NUP205: variants seen among roughly 807,000 people sequenced by gnomAD.
NUP205 encodes nuclear pore complex protein Nup205.
A neutral mutation model predicts 253.8 loss-of-function variants in NUP205; 76 were observed. The observed-to-expected ratio is 0.30, with a 90% CI of 0.25 to 0.36. The LOEUF is 0.36. Ranked by LOEUF, NUP205 falls within the 10% of genes least tolerant of loss-of-function variation. The probability of loss-of-function intolerance (pLI) is 1.00; values close to 1 mark genes in which losing one functional copy is unlikely to be tolerated. For synonymous variants in NUP205, 832 were observed against 850.1 expected (o/e 0.98, Z 0.37); for missense variants, 2,162 against 2,425.5 (o/e 0.89, Z 2.28).
chr7:135,635,890 CCTTTT>C (rs1794800818), intron 36 of NUP205, among the ~76,000 whole-genome samples: 1 of 152,076 alleles, frequency 6.6e-6, no homozygotes, highest in Admixed American at 6.6e-5. Flanking sequence ...TGTTTTTACT[CCTTTT>C]CTTCCATCAT....
rs559396683 is a variant in NUP205, at chr7:135,602,969, G to A, written c.2677G>A (p.Ala893Thr). 6.2e-6 allele frequency: 10 copies of A among 1,612,436 alleles called. No homozygotes were observed. Among genetic ancestry groups the A allele is most frequent in the South Asian group, 2.2e-5 (2 of 90,790 alleles). ...GGGAATTAATCCCAGAACTAAGAAG[G>A]CAGATAATGTGGTAAACATTGCCAG... ...LQGINPRTKK[A>T]DNVVNIARYL... Residue 893 changes from alanine (A) to threonine (T), a missense_variant, in exon 18 of 43, where the codon GCA (alanine) becomes ACA (threonine). By Grantham distance (58) the Ala-to-Thr change is moderately conservative. Around this residue, in one of 5 missense-constraint regions of NUP205, gnomAD observed 892 missense variants for 957.1 expected, o/e 0.93. Transcript: ENST00000285968.
chr7:135,641,675 G>A (rs1413004580), intron 38 of NUP205, among the ~76,000 whole-genome samples: 1 of 119,302 alleles, frequency 8.4e-6, no homozygotes, highest in Admixed American at 7.6e-5. Context: ...GGGAGGCTGA[G>A]GTGGGAGGAT....
chr7:135,641,557 C>T (rs1159579634), intron 38 of NUP205, among the ~76,000 whole-genome samples: 2 of 151,254 alleles, frequency 1.3e-5, no homozygotes, highest in Non-Finnish European at 3.0e-5. Flanking sequence ...TTGCTTGAGC[C>T]CAGAAGGTAG....
At chr7:135,626,104 T>C in intron 32 of NUP205, 136 bp from the exon 33 acceptor site, 1 of 1,025,808 alleles carries the variant, frequency 9.7e-7, no homozygotes. Flanking sequence ...AGCGGTATAA[T>C]GTAACCTGTC....
At chr7:135,578,640 T>C (rs1374771298) in intron 6 of NUP205, 111 bp from the exon 7 acceptor site, 2 of 712,198 alleles carry the variant, frequency 2.8e-6, no homozygotes, top group Non-Finnish European at 4.6e-6. Context: ...AATTGGTCAT[T>C]ATTCTTCTGT....
intron 34 of NUP205, among the ~76,000 whole-genome samples, chr7:135,629,339 C>T (rs947158612): frequency 3.3e-5 from 5 of 151,968 alleles, no homozygotes; most frequent in South Asian, 4.1e-4. Context: ...TTTTTTTAAC[C>T]GCATCAAAAG....
chr7:135,563,531 C>G (rs555270224), intron 1 of NUP205, among the ~76,000 whole-genome samples: 2 of 152,116 alleles, frequency 1.3e-5, no homozygotes, highest in Non-Finnish European at 2.9e-5. Context: ...TTTTTCCTCA[C>G]TGCAGTATAA....
chr7:135,593,071 G>C lies in NUP205; in HGVS notation c.1709G>C (p.Arg570Pro). The change falls in exon 12 of 43, where the codon CGG becomes CCG. Residue 570 changes from arginine to proline, a missense_variant. This residue lies in a region of NUP205 where 892 missense variants were observed against 957.1 expected (regional missense o/e 0.93). Coordinates refer to ENST00000285968, the MANE Select transcript of NUP205 (RefSeq NM_015135.3). ...HSLMLYHEHL[R>P]KDLPSADSVQ... ...TTGATGCTTTACCACGAACACCTTC[G>C]GAAGGATCTTCCAAGTGCAGATAGT... is the stretch of plus-strand genomic sequence containing the variant. 1 of 1,613,928 alleles carries C rather than the reference G, an allele frequency of 6.2e-7. No individual in the cohort carries two copies. Among genetic ancestry groups the C allele is most frequent in the Non-Finnish European group, 8.5e-7 (1 of 1,179,968 alleles).
intron 17 of NUP205, 89 bp downstream of exon 17, chr7:135,601,596 A>C (rs1793966313): frequency 1.4e-6 from 2 of 1,394,190 alleles, no homozygotes; most frequent in African/African-American, 1.4e-5. Flanking sequence ...TGATCTCTGA[A>C]GTCATTTTTC....
At chr7:135,635,502 A>T in intron 35 of NUP205, 79 bp from the exon 36 acceptor site, 3 of 830,992 alleles carry the variant, frequency 3.6e-6, no homozygotes, top group Non-Finnish European at 3.8e-6. Context: ...ACAATATAAA[A>T]TATTAGAACC....
At chr7:135,645,083 T>A in intron 40 of NUP205, 65 bp downstream of exon 40, 1 of 1,572,460 alleles carries the variant, frequency 6.4e-7, no homozygotes, top group Non-Finnish European at 8.7e-7. Context: ...TCACTTATTC[T>A]CATATTATTT....
At position 135,571,134 on chromosome 7, in the gene NUP205, A is replaced by G; in HGVS notation, c.58A>G (p.Ile20Val). ...TAGTCTATGGGGTCCTTACAAAGAC[A>G]TTTGGCATAAAGTGGGAAATGCTCT... The part of the protein sequence containing the change: ...AASLWGPYKD[I>V]WHKVGNALWR... Residue 20 changes from isoleucine to valine, a missense_variant, in exon 2 of 43, where the codon ATT becomes GTT. Transcript: ENST00000285968. The G allele has an allele frequency of 6.4e-7, 1 of 1,551,222 alleles. No individual in the cohort carries two copies. The highest frequency in any genetic ancestry group is 8.7e-7 in the Non-Finnish European group (1 of 1,148,952).
At position 135,561,901 on chromosome 7, in the gene NUP205, TTCCTTCCTTCCTTCCC is replaced by T. The variant is rs767721764; in HGVS notation, c.28+3945_28+3960del. 5.1e-3 allele frequency among the ~76,000 whole-genome samples: 750 copies of T among 147,654 alleles called. 8 individuals carry two copies. Among genetic ancestry groups the T allele is most frequent in the African/African-American group, 0.017 (693 of 40,548 alleles). On this transcript the variant is annotated intron_variant, in intron 1 of 42. Coordinates refer to ENST00000285968, the MANE Select transcript of NUP205 (RefSeq NM_015135.3). ...GGACTCCATCTCCTTCCTTCCTTTG[TTCCTTCCTTCCTTCCC>T]TCCTTCCTTCCTTCCTTCCTTCCCT...
At chr7:135,563,404 G>A (rs2129489481) in intron 1 of NUP205, among the ~76,000 whole-genome samples, 1 of 152,112 alleles carries the variant, frequency 6.6e-6, no homozygotes, top group South Asian at 2.1e-4. Context: ...GGCCAGGACG[G>A]TCTTGATCTC....
intron 16 of NUP205, 92 bp from the exon 17 acceptor site, chr7:135,601,278 C>T: frequency 8.5e-7 from 1 of 1,175,980 alleles, no homozygotes; most frequent in Non-Finnish European, 1.2e-6. Context: ...TAGATGCCAT[C>T]TAATTTACAA....
intron 20 of NUP205, among the ~76,000 whole-genome samples, 169 bp from the exon 21 acceptor site, chr7:135,606,582 A>G (rs1794090323): frequency 6.6e-6 from 1 of 152,244 alleles, no homozygotes; most frequent in South Asian, 2.1e-4. Context: ...TTGTAAATTT[A>G]TAAGGTTTTT....
At chr7:135,602,133 CTACTT>C (rs1793979789) in intron 17 of NUP205, among the ~76,000 whole-genome samples, 1 of 152,180 alleles carries the variant, frequency 6.6e-6, no homozygotes. Flanking sequence ...TATATTACCT[CTACTT>C]AATGTGGCTG....
rs1165002726 is a variant in NUP205 at position 135,648,498 on chromosome 7, G to C, written c.5981G>C (p.Ser1994Thr). The change falls in exon 43 of 43, where the codon AGT becomes ACT. Residue 1994 changes from serine (S) to threonine (T), a missense_variant. Ser to Thr is a moderately conservative substitution (Grantham distance 58). Around this residue, in one of 5 missense-constraint regions of NUP205, gnomAD observed 1,144 missense variants for 1,280.9 expected, o/e 0.89. Coordinates refer to ENST00000285968, the MANE Select transcript of NUP205 (RefSeq NM_015135.3). ...GLYSKVRSRYSFIQALVRRIR... is the reference protein window; with the variant it reads ...GLYSKVRSRYTFIQALVRRIR... The stretch of plus-strand genomic sequence containing the variant: ...TATTCAAAAGTTCGATCTCGATATA[G>C]TTTCATACAGGCTCTTGTCAGACGT... The C allele has an allele frequency of 1.2e-6, 2 of 1,605,720 alleles. No homozygotes were observed. Among genetic ancestry groups the C allele is most frequent in the Non-Finnish European group, 1.7e-6 (2 of 1,177,448 alleles).
At chr7:135,577,661 A>T in intron 5 of NUP205, 135 bp from the exon 6 acceptor site, 1 of 630,866 alleles carries the variant, frequency 1.6e-6, no homozygotes, top group Non-Finnish European at 2.7e-6. Flanking sequence ...AGAATTCCAG[A>T]GGTGACGTCT....
Sources: allele counts gnomAD v4.1 joint callset (sites outside exome capture counted in the v4.1 genomes callset), GRCh38; gene constraint gnomAD v4.1.1; regional missense constraint gnomAD v4.1.1; transcripts MANE v1.5; gene names NCBI Gene and HGNC (gene_info 2026-07-23, HGNC 2026-07-21).